Variants in ZNF530 observed in about 807,000 individuals in gnomAD.
The protein encoded by ZNF530 is zinc finger protein 530.
In ZNF530, 5 loss-of-function variants were observed where a neutral mutation model predicts 2.8. That is an observed-to-expected ratio of 1.80 (90% CI 0.94 to 3.78). The LOEUF (loss-of-function observed/expected upper bound fraction) is 3.78, where lower values mean the gene tolerates loss of function less well. Among genes scored for constraint, ZNF530 ranks in the 30% most tolerant of loss-of-function variants. The pLI, the probability that ZNF530 is intolerant of heterozygous loss-of-function variation, is 0.00. For missense variants in ZNF530, 619 were observed against 673.3 expected (o/e 0.92, Z 0.89); for synonymous variants, 229 against 235.0 (o/e 0.97, Z 0.23).
At chr19:57,603,575 A>AGTTACT (rs997860108) in intron 2 of ZNF530, among the ~76,000 whole-genome samples, 9 of 152,220 alleles carry the variant, frequency 5.9e-5, no homozygotes, top group Admixed American at 1.3e-4. Flanking sequence ...GTAGCAAGAC[A>AGTTACT]GTTACTGTTA....
In ZNF530 at chr19:57,600,083, G is replaced by C; in HGVS notation, c.-173G>C. On this transcript the variant is annotated 5_prime_UTR_variant, in exon 1 of 4. Transcript: ENST00000597700. ...TCCGCCCGGATCGTCCACCGCTCCC[G>C]GCCCGCTCCGCCCAGAGTCCGATGG... The C allele has an allele frequency of 6.5e-7, 1 of 1,546,582 alleles. No homozygotes were observed. Among genetic ancestry groups the C allele is most frequent in the Non-Finnish European group, 8.8e-7 (1 of 1,142,390 alleles).
In ZNF530 at chr19:57,606,210, C is replaced by T. The variant is rs765131449; in HGVS notation, c.586C>T (p.His196Tyr). Residue 196 changes from histidine (H) to tyrosine (Y), a missense_variant, in exon 4 of 4, where the codon CAC becomes TAC. His to Tyr is a moderately conservative substitution (Grantham distance 83). Transcript: ENST00000597700. ...TAGAGAGAAATCTGTATTCATTCAA[C>T]ACCAAAGAGCTGACTCTGGAGAAAG... ...SFREKSVFIQ[H>Y]QRADSGERPY... The T allele has an allele frequency of 3.6e-5, 58 of 1,614,130 alleles. No individual in the cohort carries two copies. Among genetic ancestry groups the T allele is most frequent in the Non-Finnish European group, 4.7e-5 (55 of 1,180,050 alleles).
chr19:57,610,448 GTATACTTAC>G (rs1980832489), downstream of ZNF530, among the ~76,000 whole-genome samples: 1 of 145,564 alleles, frequency 6.9e-6, no homozygotes, highest in African/African-American at 2.6e-5. Context: ...GTGTGTGTGT[GTATACTTAC>G]TGTTTTAATA....
rs144295255 is a variant in ZNF530 at position 57,603,251 on chromosome 19, C to A, written c.-69-1026C>A. On this transcript the variant is annotated intron_variant, in intron 2 of 3. Transcript: ENST00000597700. Reference sequence around the variant, plus strand: ...GCGAGAACAGCACAAGAAAGACCCACCCCCATGATTCAGGTACCTCCTACT... The same window carrying A: ...GCGAGAACAGCACAAGAAAGACCCAACCCCATGATTCAGGTACCTCCTACT... Among the ~76,000 whole-genome samples the A allele has an allele frequency of 1.3e-3, 202 of 152,344 alleles. 1 individual carries two copies. In the East Asian group the frequency reaches 0.032, roughly 24 times the overall value.
chr19:57,609,388 G>A lies in ZNF530; in HGVS notation c.*2063G>A, dbSNP rs1980770749. 1.3e-5 allele frequency among the ~76,000 whole-genome samples: 2 copies of A among 152,168 alleles called. No homozygotes were observed. Among genetic ancestry groups the A allele is most frequent in the African/African-American group, 2.4e-5 (1 of 41,432 alleles). On this transcript the variant is annotated 3_prime_UTR_variant, in exon 4 of 4. Transcript: ENST00000597700. ...GCCTGTAATCCCAGCACTTTAGGAG[G>A]CCGAGGTGGGTGGATAACCCAAGGT...
Position 57,599,924 on chromosome 19 carries a change from T to C in ZNF530, c.-332T>C. 1 of 612,604 alleles carries C rather than the reference T, an allele frequency of 1.6e-6. No homozygotes were observed. The highest frequency in any genetic ancestry group is 2.7e-6 in the Non-Finnish European group (1 of 374,254). 37.9% of individuals were successfully genotyped at this position (612,604 alleles called of 1,614,324 possible). A position where few individuals can be genotyped will look rare whatever the true frequency, so the allele number is the denominator to read the frequency against. On this transcript the variant is annotated 5_prime_UTR_variant, in exon 1 of 4. Transcript: ENST00000597700. ...CCTCCCTGTGGCGGGCACTTTGGCT[T>C]GTGTCAGTTCCATCCGCGGGTGCCG...
chr19:57,601,437 T>C (rs1461203067), intron 2 of ZNF530, among the ~76,000 whole-genome samples: 2 of 152,218 alleles, frequency 1.3e-5, no homozygotes, highest in South Asian at 4.1e-4. Flanking sequence ...GCTGGAAGCA[T>C]AGAAGCTCCA....
chr19:57,607,129 T>A lies in ZNF530; in HGVS notation c.1505T>A (p.Leu502His), dbSNP rs1478020079. Residue 502 changes from leucine to histidine, a missense_variant, in exon 4 of 4, where the codon CTT becomes CAT. Coordinates refer to ENST00000597700, the MANE Select transcript of ZNF530 (RefSeq NM_001321981.2). ...GKSYSQSSAL[L>H]QHRRVHTGER... Reference sequence around the variant, plus strand: ...TCCTATAGCCAAAGCTCTGCCCTCCTTCAGCATAGGAGAGTTCACACTGGA... The same window carrying A: ...TCCTATAGCCAAAGCTCTGCCCTCCATCAGCATAGGAGAGTTCACACTGGA... 6.2e-7 allele frequency: 1 copy of A among 1,614,038 alleles called. No individual in the cohort carries two copies. The highest frequency in any genetic ancestry group is 8.5e-7 in the Non-Finnish European group (1 of 1,180,002).
At position 57,606,204 on chromosome 19, in the gene ZNF530, A is replaced by G. The variant is rs759521533; in HGVS notation, c.580A>G (p.Ile194Val). 1 of 1,614,260 alleles carries G rather than the reference A, an allele frequency of 6.2e-7. No individual in the cohort carries two copies. The highest frequency in any genetic ancestry group is 8.5e-7 in the Non-Finnish European group (1 of 1,180,044). ...RKSFREKSVF[I>V]QHQRADSGER... Reference sequence around the variant, plus strand: ...ATCTTTTAGAGAGAAATCTGTATTCATTCAACACCAAAGAGCTGACTCTGG... The same window carrying G: ...ATCTTTTAGAGAGAAATCTGTATTCGTTCAACACCAAAGAGCTGACTCTGG... The change falls in exon 4 of 4, where the codon ATT (isoleucine) becomes GTT (valine). Residue 194 changes from isoleucine (I) to valine (V), a missense_variant. Physicochemically the swap from Ile to Val is conservative, Grantham distance 29. Coordinates refer to ENST00000597700, the MANE Select transcript of ZNF530 (RefSeq NM_001321981.2).
chr19:57,602,802 T>TGAGGCAA, intron 2 of ZNF530, among the ~76,000 whole-genome samples: 1 of 152,314 alleles, frequency 6.6e-6, no homozygotes, highest in Non-Finnish European at 1.5e-5. Flanking sequence ...ACAATCATGG[T>TGAGGCAA]GGAAGGCAAG....
chr19:57,607,489 C>T lies in ZNF530; in HGVS notation c.*164C>T, dbSNP rs1599937733. The T allele has an allele frequency of 1.5e-6, 1 of 668,786 alleles. No homozygotes were observed. Among genetic ancestry groups the T allele is most frequent in the East Asian group, 2.8e-5 (1 of 36,088 alleles). 41.4% of individuals were successfully genotyped at this position (668,786 alleles called of 1,614,324 possible). A position where few individuals can be genotyped will look rare whatever the true frequency, so the allele number is the denominator to read the frequency against. ...CCTCCTGAGTACCTGAGATTACAGGCACCCACCACCATGCCCAGCTAATTT... is the reference window on the plus strand; with the variant it reads ...CCTCCTGAGTACCTGAGATTACAGGTACCCACCACCATGCCCAGCTAATTT... On this transcript the variant is annotated 3_prime_UTR_variant, in exon 4 of 4. Transcript: ENST00000597700.
At chr19:57,602,575 G>A (rs1016141331) in intron 2 of ZNF530, among the ~76,000 whole-genome samples, 1 of 152,172 alleles carries the variant, frequency 6.6e-6, no homozygotes, top group Non-Finnish European at 1.5e-5. Flanking sequence ...GGATGTTGTG[G>A]AAATCACAAA....
chr19:57,602,768 G>A (rs992982448), intron 2 of ZNF530, among the ~76,000 whole-genome samples: 1 of 152,222 alleles, frequency 6.6e-6, no homozygotes, highest in Non-Finnish European at 1.5e-5. Context: ...TGGACTTGCA[G>A]TTCCACATGG....
rs1294057916 is a variant in ZNF530, at chr19:57,605,668, GC to G, written c.62-17del. On this transcript the variant is annotated splice_polypyrimidine_tract_variant and intron_variant, in intron 3 of 3. Transcript: ENST00000597700. ...ACCATAGTAAATCTGTGTTTTCTCA[GC>G]ATTTCTCTTCTTTCAGGTTGCTGGT... is the stretch of plus-strand genomic sequence containing the variant. 1.3e-6 allele frequency: 2 copies of G among 1,573,156 alleles called. No homozygotes were observed. The highest frequency in any genetic ancestry group is 1.8e-4 in the Middle Eastern group (1 of 5,680).
At chr19:57,611,010 A>C (rs534319548), downstream of ZNF530, among the ~76,000 whole-genome samples, 8 of 152,294 alleles carry the variant, frequency 5.3e-5, no homozygotes, top group East Asian at 1.5e-3. Flanking sequence ...ACCCTACCAG[A>C]GGTAGCTAAT....
Position 57,606,284 on chromosome 19 carries a change from C to A in ZNF530, c.660C>A (p.Gly220=). ...ECGKSFSQSS[G]FLRHRKAHGR... ...GGAAATCCTTTAGTCAAAGTTCTGG[C>A]TTTCTTCGACACAGGAAAGCACACG... The change falls in exon 4 of 4, where the codon GGC becomes GGA. Residue 220 remains glycine, a synonymous_variant. Transcript: ENST00000597700. The A allele has an allele frequency of 1.2e-6, 2 of 1,614,132 alleles. No individual in the cohort carries two copies. The highest frequency in any genetic ancestry group is 2.7e-5 in the African/African-American group (2 of 75,006).
Position 57,606,363 on chromosome 19 carries a change from A to C in ZNF530, c.739A>C (p.Thr247Pro). 1 of 1,613,798 alleles carries C rather than the reference A, an allele frequency of 6.2e-7. No individual in the cohort carries two copies. The highest frequency in any genetic ancestry group is 8.5e-7 in the Non-Finnish European group (1 of 1,179,790). ...ATGTGGGAAATCATTTAGTCGCAAAACTCACCTAACTCAACACCAAAGAGT... is the reference window on the plus strand; with the variant it reads ...ATGTGGGAAATCATTTAGTCGCAAACCTCACCTAACTCAACACCAAAGAGT... Reference protein sequence around the residue: ...SECGKSFSRKTHLTQHQRVHT... With the variant: ...SECGKSFSRKPHLTQHQRVHT... The change falls in exon 4 of 4, where the codon ACT becomes CCT. Residue 247 changes from threonine to proline, a missense_variant. Coordinates refer to ENST00000597700, the MANE Select transcript of ZNF530 (RefSeq NM_001321981.2).
Position 57,607,409 on chromosome 19 carries a change from ATC to A in ZNF530, c.*87_*88del. The A allele has an allele frequency of 7.3e-7, 1 of 1,371,538 alleles. No homozygotes were observed. The highest frequency in any genetic ancestry group is 1.5e-5 in the South Asian group (1 of 68,864). 85.0% of individuals were successfully genotyped at this position (1,371,538 alleles called of 1,614,324 possible). Reference sequence around the variant, plus strand: ...ACCCAGGCTGGAGTGCAATTGTGCAATCTCAGCTCACTGCAACCTCCGCCTCC... The same window carrying A: ...ACCCAGGCTGGAGTGCAATTGTGCAATCAGCTCACTGCAACCTCCGCCTCC... On this transcript the variant is annotated 3_prime_UTR_variant, in exon 4 of 4. Transcript: ENST00000597700.
At chr19:57,600,960 G>A (rs1179443379) in intron 2 of ZNF530, among the ~76,000 whole-genome samples, 181 bp downstream of exon 2, 1 of 152,210 alleles carries the variant, frequency 6.6e-6, no homozygotes, top group Non-Finnish European at 1.5e-5. Context: ...CAAATAATAG[G>A]ATGAATGTGG....
Sources: gnomAD v4.1 joint callset for allele counts (sites outside exome capture counted in the v4.1 genomes callset) on GRCh38, gnomAD v4.1.1 for gene constraint, MANE v1.5 for transcripts, NCBI Gene and HGNC (gene_info 2026-07-23, HGNC 2026-07-21) for gene names.